The following SAMD12 variants were observed in gnomAD, a reference collection of about 807,000 sequenced individuals.
The protein encoded by SAMD12 is sterile alpha motif domain containing 12, also known as sterile alpha motif domain-containing protein 12.
SAMD12 carries 9 observed loss-of-function variants against 15.0 expected under a neutral mutation model. The ratio of observed to expected loss-of-function variants is 0.60; its 90% CI spans 0.36 to 1.05. The LOEUF is 1.05. Ranked by LOEUF, SAMD12 falls within the 50% of genes least tolerant of loss-of-function variation. SAMD12 has a pLI of 0.01. For missense variants in SAMD12, 230 were observed against 234.2 expected (o/e 0.98, Z 0.12); for synonymous variants, 86 against 90.1 (o/e 0.96, Z 0.25).
At chr8:118,388,775 T>C (rs1053059117) in intron 3 of SAMD12, among the ~76,000 whole-genome samples, 2 of 152,236 alleles carry the variant, frequency 1.3e-5, no homozygotes, top group African/African-American at 2.4e-5. Flanking sequence ...AGGGACAATA[T>C]AATGCTAGAC....
chr8:118,432,640 T>C (rs1029642488), intron 3 of SAMD12, among the ~76,000 whole-genome samples: 5 of 152,146 alleles, frequency 3.3e-5, no homozygotes, highest in Non-Finnish European at 5.9e-5. Flanking sequence ...GATGAGATAC[T>C]CAACCCAGAT....
intron 4 of SAMD12, among the ~76,000 whole-genome samples, chr8:118,325,988 A>G (rs919880360): frequency 4.6e-5 from 7 of 152,160 alleles, no homozygotes; most frequent in African/African-American, 1.7e-4. Context: ...AGCATACTAA[A>G]AATGCATGGT....
At chr8:118,199,562 CTAAT>C (rs1372411977) in intron 4 of SAMD12, among the ~76,000 whole-genome samples, 2 of 152,144 alleles carry the variant, frequency 1.3e-5, no homozygotes, top group South Asian at 4.2e-4. Context: ...AGAGTAAGCC[CTAAT>C]TAATTATTAT....
Position 118,621,874 on chromosome 8 carries a change from C to T in SAMD12, c.-58G>A. 1 of 1,571,330 alleles carries T rather than the reference C, an allele frequency of 6.4e-7. No homozygotes were observed. Among genetic ancestry groups the T allele is most frequent in the Non-Finnish European group, 8.8e-7 (1 of 1,141,046 alleles). On this transcript the variant is annotated 5_prime_UTR_variant, in exon 1 of 4. Coordinates refer to ENST00000314727, the MANE Select transcript of SAMD12 (RefSeq NM_207506.3). ...TTCTTGGCCGAGGTACTCCTCCTGCCCCGCGCTCCCCCCTTCCTCTCGCTT... is the reference window on the plus strand; with the variant it reads ...TTCTTGGCCGAGGTACTCCTCCTGCTCCGCGCTCCCCCCTTCCTCTCGCTT...
chr8:118,602,020 C>T (rs972033627), intron 1 of SAMD12, among the ~76,000 whole-genome samples: 3 of 152,166 alleles, frequency 2.0e-5, no homozygotes, highest in Non-Finnish European at 4.4e-5. Flanking sequence ...TGCACAAGTA[C>T]CCCCAGACTT....
At chr8:118,608,924 G>A (rs748033262) in intron 1 of SAMD12, among the ~76,000 whole-genome samples, 5 of 152,098 alleles carry the variant, frequency 3.3e-5, no homozygotes, top group Admixed American at 6.5e-5. Flanking sequence ...TAAGTGACAC[G>A]ACATATTATG....
At chr8:118,516,996 G>A (rs1010080038) in intron 2 of SAMD12, among the ~76,000 whole-genome samples, 1 of 152,166 alleles carries the variant, frequency 6.6e-6, no homozygotes, top group Non-Finnish European at 1.5e-5. Context: ...GTGCAGAGGT[G>A]CTATTTCTAC....
intron 4 of SAMD12, among the ~76,000 whole-genome samples, chr8:118,258,859 T>A (rs1196215896): frequency 2.0e-5 from 3 of 152,064 alleles, no homozygotes; most frequent in African/African-American, 4.8e-5. Flanking sequence ...GGAAAGGAGT[T>A]GAGAATTGAG....
the SAMD12 span, among the ~76,000 whole-genome samples, chr8:118,162,662 T>C: frequency 6.6e-6 from 1 of 152,144 alleles, no homozygotes; most frequent in Non-Finnish European, 1.5e-5. Flanking sequence ...ATCACAAAAG[T>C]GATTACTGAA....
At chr8:118,619,805 A>G (rs1354121389) in intron 1 of SAMD12, among the ~76,000 whole-genome samples, 3 of 151,996 alleles carry the variant, frequency 2.0e-5, no homozygotes, top group Non-Finnish European at 2.9e-5. Context: ...GCAGAAGAAA[A>G]AGGAGGGCTG....
At chr8:118,609,868 C>T (rs1369729709) in intron 1 of SAMD12, among the ~76,000 whole-genome samples, 1 of 152,194 alleles carries the variant, frequency 6.6e-6, no homozygotes, top group East Asian at 1.9e-4. Context: ...CTCTGATAGA[C>T]AGAGCAGAGC....
intron 3 of SAMD12, among the ~76,000 whole-genome samples, chr8:118,399,788 G>C (rs575212361): frequency 6.6e-6 from 1 of 152,188 alleles, no homozygotes; most frequent in Non-Finnish European, 1.5e-5. Context: ...GGTTTCACTG[G>C]GTCAAGGGGT....
chr8:118,576,026 C>T (rs185340388), intron 2 of SAMD12, among the ~76,000 whole-genome samples: 15 of 152,068 alleles, frequency 9.9e-5, no homozygotes, highest in Non-Finnish European at 1.5e-4. Context: ...TCCTTGTCCA[C>T]TCAGGTCCAA....
chr8:118,476,231 G>C (rs146083863), intron 2 of SAMD12, among the ~76,000 whole-genome samples: 1 of 152,170 alleles, frequency 6.6e-6, no homozygotes, highest in African/African-American at 2.4e-5. Flanking sequence ...TTAGCTGCAC[G>C]TTGCAGGTGT....
At chr8:118,275,144 T>G (rs1813442417) in intron 4 of SAMD12, among the ~76,000 whole-genome samples, 3 of 152,322 alleles carry the variant, frequency 2.0e-5, no homozygotes, top group Admixed American at 6.5e-5. Flanking sequence ...AATCTATTCA[T>G]AGTTTTGTTA....
chr8:118,584,922 TACACAC>T (rs141290440), intron 1 of SAMD12, among the ~76,000 whole-genome samples: 2,952 of 147,042 alleles, frequency 0.02, 86 homozygotes, highest in African/African-American at 0.059. Flanking sequence ...CTTGTAGGTA[TACACAC>T]ACACACACAC....
At chr8:118,570,857 T>C (rs940089690) in intron 2 of SAMD12, among the ~76,000 whole-genome samples, 1 of 152,146 alleles carries the variant, frequency 6.6e-6, no homozygotes, top group Non-Finnish European at 1.5e-5. Context: ...GCTGTTCTTG[T>C]GACAGTGAAT....
At chr8:118,319,953 C>T (rs542566160) in intron 4 of SAMD12, among the ~76,000 whole-genome samples, 1 of 152,248 alleles carries the variant, frequency 6.6e-6, no homozygotes, top group East Asian at 1.9e-4. Flanking sequence ...CATATTGGTG[C>T]ACTTGGTATC....
chr8:118,327,501 A>G (rs773956872), intron 4 of SAMD12, among the ~76,000 whole-genome samples: 42 of 152,338 alleles, frequency 2.8e-4, no homozygotes, highest in Non-Finnish European at 5.3e-4. Flanking sequence ...GTTCTGGAGA[A>G]CAATCAGCAG....
Sources: gnomAD v4.1 joint callset for allele counts (sites outside exome capture counted in the v4.1 genomes callset) on GRCh38, gnomAD v4.1.1 for gene constraint, MANE v1.5 for transcripts, NCBI Gene and HGNC (gene_info 2026-07-23, HGNC 2026-07-21) for gene names.